Variants in PRKCA observed in about 807,000 individuals in gnomAD.
PRKCA encodes the protein protein kinase C alpha.
Under a neutral mutation model 87.0 loss-of-function variants are expected in PRKCA, and 27 were observed. That is an observed-to-expected ratio of 0.31 (90% CI 0.23 to 0.43). The LOEUF is 0.43. PRKCA is among the 20% of genes least tolerant of loss of function. The probability of loss-of-function intolerance (pLI) is 1.00; values close to 1 mark genes in which losing one functional copy is unlikely to be tolerated. For synonymous variants in PRKCA, 329 were observed against 311.1 expected, an observed-to-expected ratio of 1.06 and a Z score of -0.61; for missense variants, 518 against 852.3, an observed-to-expected ratio of 0.61 and a Z score of 4.88.
chr17:66,540,408 G>A (rs1195009451), intron 3 of PRKCA, among the ~76,000 whole-genome samples: 1 of 152,142 alleles, frequency 6.6e-6, no homozygotes, highest in East Asian at 1.9e-4. Context: ...GGGACGGCGT[G>A]TGCTGGTTTT....
chr17:66,661,388 C>T (rs892719395), intron 5 of PRKCA, among the ~76,000 whole-genome samples: 5 of 152,172 alleles, frequency 3.3e-5, no homozygotes, highest in African/African-American at 9.7e-5. Context: ...TGCCATGAAA[C>T]GTGAGCCAGG....
chr17:66,789,215 C>T (rs1975474280), intron 16 of PRKCA, among the ~76,000 whole-genome samples: 1 of 152,246 alleles, frequency 6.6e-6, no homozygotes. Context: ...CACACTTCAT[C>T]CTCCAGCTGG....
intron 2 of PRKCA, among the ~76,000 whole-genome samples, chr17:66,337,408 T>C (rs1181042916): frequency 1.3e-5 from 2 of 152,082 alleles, no homozygotes; most frequent in Non-Finnish European, 2.9e-5. Flanking sequence ...AGGTTTTGTT[T>C]TGAGACAGTC....
intron 8 of PRKCA, among the ~76,000 whole-genome samples, chr17:66,705,474 A>C (rs1973167549): frequency 6.6e-6 from 1 of 152,216 alleles, no homozygotes; most frequent in African/African-American, 2.4e-5. Context: ...TGTCTCGAGG[A>C]AATAATTTTG....
chr17:66,347,271 T>C (rs1907437707), intron 2 of PRKCA, among the ~76,000 whole-genome samples: 1 of 152,210 alleles, frequency 6.6e-6, no homozygotes. Flanking sequence ...CTCTTCTGTC[T>C]GACTTAAATA....
At chr17:66,621,452 G>T (rs1203297544) in intron 3 of PRKCA, among the ~76,000 whole-genome samples, 1 of 152,102 alleles carries the variant, frequency 6.6e-6, no homozygotes, top group Non-Finnish European at 1.5e-5. Context: ...GTTTACTATT[G>T]TGAAACCTGT....
At chr17:66,448,943 T>C (rs527587772) in intron 2 of PRKCA, among the ~76,000 whole-genome samples, 16 of 151,154 alleles carry the variant, frequency 1.1e-4, no homozygotes, top group African/African-American at 3.9e-4. Context: ...CATAGTATTT[T>C]GAAGAGAGTA....
chr17:66,607,335 CAGTGAGTTA>C (rs1970238952), intron 3 of PRKCA, among the ~76,000 whole-genome samples: 1 of 152,148 alleles, frequency 6.6e-6, no homozygotes, highest in Non-Finnish European at 1.5e-5. Context: ...ATCGGACATA[CAGTGAGTTA>C]AGTGGAGAAT....
At chr17:66,770,743 A>G (rs536849289) in intron 13 of PRKCA, among the ~76,000 whole-genome samples, 3 of 152,284 alleles carry the variant, frequency 2.0e-5, no homozygotes, top group South Asian at 4.1e-4. Flanking sequence ...GAGGGTTCCA[A>G]CTTTTCTGCT....
At chr17:66,459,363 G>A (rs756390293) in intron 2 of PRKCA, among the ~76,000 whole-genome samples, 10 of 152,086 alleles carry the variant, frequency 6.6e-5, no homozygotes, top group Non-Finnish European at 1.2e-4. Context: ...CCTGGATGAC[G>A]GAACTACGAT....
intron 3 of PRKCA, among the ~76,000 whole-genome samples, chr17:66,538,556 T>C (rs1367589947): frequency 6.6e-6 from 1 of 152,180 alleles, no homozygotes; most frequent in Non-Finnish European, 1.5e-5. Flanking sequence ...TAAGAGTTGA[T>C]AAAGAGGCAG....
chr17:66,422,608 C>T (rs1302261574), intron 2 of PRKCA, among the ~76,000 whole-genome samples: 1 of 152,184 alleles, frequency 6.6e-6, no homozygotes, highest in East Asian at 1.9e-4. Context: ...AATAGAGAAT[C>T]TCACACTGAA....
chr17:66,675,952 C>T (rs1972316379), intron 5 of PRKCA, among the ~76,000 whole-genome samples: 1 of 152,170 alleles, frequency 6.6e-6, no homozygotes, highest in Admixed American at 6.5e-5. Flanking sequence ...GCCCCTAAAC[C>T]CCTTGCCTTA....
intron 3 of PRKCA, among the ~76,000 whole-genome samples, chr17:66,613,916 A>G (rs974460192): frequency 2.0e-5 from 3 of 147,692 alleles, no homozygotes; most frequent in East Asian, 4.0e-4. Flanking sequence ...CCTAGTAGCT[A>G]GGACTACAGG....
At chr17:66,553,752 A>G (rs1191086278) in intron 3 of PRKCA, among the ~76,000 whole-genome samples, 1 of 152,184 alleles carries the variant, frequency 6.6e-6, no homozygotes, top group African/African-American at 2.4e-5. Context: ...TTGGAAGTGG[A>G]TCCTTTCATT....
intron 2 of PRKCA, among the ~76,000 whole-genome samples, chr17:66,394,072 CA>C (rs1276785137): frequency 6.7e-6 from 1 of 150,090 alleles, no homozygotes; most frequent in East Asian, 1.9e-4. Flanking sequence ...GAGACTGTCT[CA>C]AAAAAAAAGA....
intron 2 of PRKCA, among the ~76,000 whole-genome samples, chr17:66,470,283 G>A (rs1249025124): frequency 1.5e-5 from 2 of 131,780 alleles, no homozygotes; most frequent in Non-Finnish European, 3.2e-5. Flanking sequence ...TGTAACCTCT[G>A]CCACCCCCCC....
chr17:66,506,180 C>A (rs559200541), intron 3 of PRKCA, among the ~76,000 whole-genome samples: 1 of 151,902 alleles, frequency 6.6e-6, no homozygotes, highest in Non-Finnish European at 1.5e-5. Context: ...CCTGTTCTCC[C>A]GGTTACTTGG....
At position 66,470,286 on chromosome 17, in the gene PRKCA, AC is replaced by A. The variant is rs1186426331; in HGVS notation, c.206-25908del. Among the ~76,000 whole-genome samples, 3 of 59,578 alleles carry A rather than the reference AC, an allele frequency of 5.0e-5. No homozygotes were observed. The East Asian group carries it at 1.6e-3, about 32-fold the overall frequency. 39.1% of individuals were successfully genotyped at this position (59,578 alleles called of 152,430 possible). On this transcript the variant is annotated intron_variant, in intron 2 of 16. Coordinates refer to ENST00000413366, the MANE Select transcript of PRKCA (RefSeq NM_002737.3). ...ATCTCGGTTCACTGTAACCTCTGCC[AC>A]CCCCCCTCCCCAACCCCCACCCCCG...
Sources: allele counts gnomAD v4.1 joint callset (sites outside exome capture counted in the v4.1 genomes callset), GRCh38; gene constraint gnomAD v4.1.1; transcripts MANE v1.5; gene names NCBI Gene and HGNC (gene_info 2026-07-23, HGNC 2026-07-21).